Variants in DNTT observed in about 807,000 individuals in gnomAD.
The protein encoded by DNTT is nucleosidetriphosphate:DNA deoxynucleotidylexotransferase.
A neutral mutation model predicts 60.9 loss-of-function variants in DNTT; 47 were observed. The ratio of observed to expected loss-of-function variants is 0.77; its 90% CI spans 0.61 to 0.98. DNTT has a LOEUF of 0.98. DNTT is among the 50% of genes least tolerant of loss of function. The pLI, the probability that DNTT is intolerant of heterozygous loss-of-function variation, is 0.00. For missense variants in DNTT, 665 were observed against 627.5 expected, an observed-to-expected ratio of 1.06 and a Z score of -0.64; for synonymous variants, 224 against 221.2, an observed-to-expected ratio of 1.01 and a Z score of -0.11.
At position 96,320,788 on chromosome 10, in the gene DNTT, G is replaced by A; in HGVS notation, c.678G>A (p.Glu226=). 1 of 1,613,438 alleles carries A rather than the reference G, an allele frequency of 6.2e-7. No homozygotes were observed. Among genetic ancestry groups the A allele is most frequent in the South Asian group, 1.1e-5 (1 of 90,972 alleles). The change falls in exon 4 of 11, where the codon GAG becomes GAA. Residue 226 remains glutamate (E), a splice_region_variant and synonymous_variant. Transcript: ENST00000371174. Reference sequence around the variant, plus strand: ...GGTCCAAGGTGAAGGGTATCATAGAGGTAAGGGTGAAATGGGATTTGTCCC... The same window carrying A: ...GGTCCAAGGTGAAGGGTATCATAGAAGTAAGGGTGAAATGGGATTTGTCCC... The part of the protein sequence containing the change: ...CLGSKVKGII[E]EIIEDGESSE...
Position 96,320,639 on chromosome 10 carries a change from G to GA in DNTT, c.533dup (p.Asn178LysfsTer3). ...GCAGGATGCCTTTGATATACTGGCT[G>GA]AAAACTGTGAGTTTAGAGAAAATGA... On this transcript the variant is annotated frameshift_variant, in exon 4 of 11. Transcript: ENST00000371174. LOFTEE classifies it high-confidence loss of function. The GA allele has an allele frequency of 6.2e-7, 1 of 1,613,788 alleles. No individual in the cohort carries two copies. The highest frequency in any genetic ancestry group is 8.5e-7 in the Non-Finnish European group (1 of 1,179,756).
chr10:96,313,861 GTAGGAGTGGA>G (rs930844888), intron 1 of DNTT, among the ~76,000 whole-genome samples: 18 of 152,184 alleles, frequency 1.2e-4, no homozygotes, highest in African/African-American at 3.6e-4. Flanking sequence ...GAGCAGCAGG[GTAGGAGTGGA>G]TGGTGACAGG....
In DNTT at chr10:96,306,092, A is replaced by ATTT. The variant is rs66877330; in HGVS notation, c.203+1409_203+1411dup. 5.1e-3 allele frequency among the ~76,000 whole-genome samples: 670 copies of ATTT among 131,358 alleles called. 6 individuals carry two copies. The highest frequency in any genetic ancestry group is 0.022 in the Middle Eastern group (6 of 268). The allele number at this position is 131,358 out of a possible 152,430, so 86.2% of individuals were successfully genotyped here. A position where few individuals can be genotyped will look rare whatever the true frequency, so the allele number is the denominator to read the frequency against. ...ATAGGTAAAGAAGCCAAAAAAATAGATTTTTTTTTTTTTTTTTTTGAGACA... is the reference window on the plus strand; with the variant it reads ...ATAGGTAAAGAAGCCAAAAAAATAGATTTTTTTTTTTTTTTTTTTTTTGAGACA... On this transcript the variant is annotated intron_variant, in intron 1 of 10. Transcript: ENST00000371174.
intron 1 of DNTT, among the ~76,000 whole-genome samples, chr10:96,310,163 C>G (rs1343388109): frequency 1.3e-5 from 2 of 152,238 alleles, no homozygotes; most frequent in African/African-American, 2.4e-5. Flanking sequence ...CTTCCCCTAG[C>G]AGCACATCCC....
rs140100323 is a variant in DNTT, at chr10:96,310,499, T to C, written c.203+5799T>C. On this transcript the variant is annotated intron_variant, in intron 1 of 10. Transcript: ENST00000371174. Reference sequence around the variant, plus strand: ...GTTTTCTTTACAGTTTTTCTTGCTCTTTCCCTACCACCTTGAGTGCCTTCT... The same window carrying C: ...GTTTTCTTTACAGTTTTTCTTGCTCCTTCCCTACCACCTTGAGTGCCTTCT... Among the ~76,000 whole-genome samples the C allele has an allele frequency of 2.9e-3, 435 of 152,364 alleles. 7 individuals are homozygous for C. The highest frequency in any genetic ancestry group is 0.024 in the Middle Eastern group (7 of 294).
chr10:96,304,612 A>C lies in DNTT; in HGVS notation c.115A>C (p.Ile39Leu). 6.2e-7 allele frequency: 1 copy of C among 1,614,152 alleles called. No individual in the cohort carries two copies. Among genetic ancestry groups the C allele is most frequent in the Non-Finnish European group, 8.5e-7 (1 of 1,180,014 alleles). ...CAAATTTCAAGATTTGGTCGTCTTC[A>C]TTTTGGAGAAGAAAATGGGAACCAC... Reference protein sequence around the residue: ...DIKFQDLVVFILEKKMGTTRR... With the variant: ...DIKFQDLVVFLLEKKMGTTRR... The change falls in exon 1 of 11, where the codon ATT (isoleucine) becomes CTT (leucine). Residue 39 changes from isoleucine (I) to leucine (L), a missense_variant. By Grantham distance (5) the Ile-to-Leu change is conservative (BLOSUM62 2). Transcript: ENST00000371174.
chr10:96,332,237 A>G (rs1163726403), intron 8 of DNTT, 114 bp from the exon 9 acceptor site: 3 of 1,477,338 alleles, frequency 2.0e-6, no homozygotes, highest in Non-Finnish European at 2.7e-6. Context: ...ATGCAAGGCC[A>G]AACACATGTC....
intron 5 of DNTT, 72 bp downstream of exon 5, chr10:96,322,800 A>G: frequency 7.8e-7 from 1 of 1,280,324 alleles, no homozygotes; most frequent in Non-Finnish European, 1.1e-6. Flanking sequence ...GGCTGGTTGT[A>G]TTAGTCAGCT....
chr10:96,309,851 C>G (rs1290891652), intron 1 of DNTT, among the ~76,000 whole-genome samples: 1 of 152,172 alleles, frequency 6.6e-6, no homozygotes. Flanking sequence ...AGGGAGCTGG[C>G]CCGTGAACCC....
At chr10:96,306,472 G>C (rs779504102) in intron 1 of DNTT, 1 of 152,220 alleles carries the variant, frequency 6.6e-6, no homozygotes, top group African/African-American at 2.4e-5. Context: ...TTTGACAAGG[G>C]TTAGGCAGGA....
In DNTT at chr10:96,327,424, C is replaced by T. The variant is rs755541371; in HGVS notation, c.875-44C>T. 2.5e-6 allele frequency: 4 copies of T among 1,613,930 alleles called. No homozygotes were observed. In the Admixed American group the frequency reaches 5.0e-5, roughly 20 times the overall value. On this transcript the variant is annotated intron_variant, in intron 6 of 10. Transcript: ENST00000371174. ...CTTCTACTGAGGGCTGGTTGTTTCA[C>T]ACACGTGTCACTCTCTCCATTGACC...
At chr10:96,310,836 T>G (rs11188702) in intron 1 of DNTT, among the ~76,000 whole-genome samples, 16,056 of 152,272 alleles carry the variant, frequency 0.11, 958 homozygotes, top group South Asian at 0.17. Context: ...ATTTTTGTAA[T>G]GAATTTTTTT....
chr10:96,306,259 A>G (rs1467599451), intron 1 of DNTT, among the ~76,000 whole-genome samples: 1 of 151,826 alleles, frequency 6.6e-6, no homozygotes, highest in Non-Finnish European at 1.5e-5. Context: ...ACAATCAGCT[A>G]ATTTTTGTGT....
intron 1 of DNTT, among the ~76,000 whole-genome samples, chr10:96,315,558 T>C (rs1844776558): frequency 6.6e-6 from 1 of 152,012 alleles, no homozygotes. Flanking sequence ...ATGCATATGG[T>C]TCTCACCCAA....
In DNTT at chr10:96,318,538, G is replaced by T. The variant is rs1308451472; in HGVS notation, c.378+12G>T. The stretch of plus-strand genomic sequence containing the variant: ...AACACCAGCTTGTTGTAAGTGTCAT[G>T]GGTGTGATTTTCACTGTTCTTTGCT... On this transcript the variant is annotated intron_variant, in intron 2 of 10. Coordinates refer to ENST00000371174, the MANE Select transcript of DNTT (RefSeq NM_004088.4). 6.2e-7 allele frequency: 1 copy of T among 1,611,536 alleles called. No homozygotes were observed. Among genetic ancestry groups the T allele is most frequent in the South Asian group, 1.1e-5 (1 of 90,650 alleles).
intron 5 of DNTT, 79 bp downstream of exon 5, chr10:96,322,807 A>G: frequency 3.4e-6 from 4 of 1,180,726 alleles, no homozygotes; most frequent in Non-Finnish European, 4.7e-6. Flanking sequence ...TGTATTAGTC[A>G]GCTTGGGCTG....
intron 3 of DNTT, 21 bp downstream of exon 3, chr10:96,319,411 C>A (rs773172821): frequency 5.6e-6 from 9 of 1,611,780 alleles, no homozygotes; most frequent in Non-Finnish European, 7.6e-6. Context: ...TTTACATCAA[C>A]ACCCAGGGCA....
intron 1 of DNTT, 145 bp from the exon 2 acceptor site, chr10:96,318,207 T>G (rs1844812366): frequency 1.2e-6 from 1 of 842,534 alleles, no homozygotes; most frequent in Non-Finnish European, 1.8e-6. Context: ...TTCCCTTGCA[T>G]GGAGGCCTAA....
At chr10:96,321,344 T>C (rs1341762611) in intron 4 of DNTT, among the ~76,000 whole-genome samples, 1 of 152,036 alleles carries the variant, frequency 6.6e-6, no homozygotes, top group Non-Finnish European at 1.5e-5. Flanking sequence ...CCTGCGTCAC[T>C]TTTCCCATGA....
Sources: gnomAD v4.1 joint callset for allele counts (sites outside exome capture counted in the v4.1 genomes callset) on GRCh38, gnomAD v4.1.1 for gene constraint, MANE v1.5 for transcripts, NCBI Gene and HGNC (gene_info 2026-07-23, HGNC 2026-07-21) for gene names.